The following CSTL1 variants were observed in gnomAD, a reference collection of about 807,000 sequenced individuals.
The protein encoded by CSTL1 is cystatin like 1, also known as cystatin-like 1.
CSTL1 carries 14 observed loss-of-function variants against 14.4 expected under a neutral mutation model. The ratio of observed to expected loss-of-function variants is 0.97; its 90% CI spans 0.64 to 1.52. The LOEUF (loss-of-function observed/expected upper bound fraction) is 1.52. Among genes scored for constraint, CSTL1 ranks in the 40% most tolerant of loss-of-function variants. The probability of loss-of-function intolerance (pLI) is 0.00; values close to 1 mark genes in which losing one functional copy is unlikely to be tolerated. For synonymous variants in CSTL1, 72 were observed against 67.5 expected, an observed-to-expected ratio of 1.07 and a Z score of -0.33; for missense variants, 170 against 168.7, an observed-to-expected ratio of 1.01 and a Z score of -0.04.
Position 23,440,304 on chromosome 20 carries a change from C to T in CSTL1, c.37C>T (p.Leu13=). 6.2e-7 allele frequency: 1 copy of T among 1,614,226 alleles called. No individual in the cohort carries two copies. The highest frequency in any genetic ancestry group is 8.5e-7 in the Non-Finnish European group (1 of 1,180,050). ...IGCWRNPLLL[L]IALVLSAKLG... is the part of the protein sequence containing the mutation. ...ATGCTGGAGAAACCCCCTGCTGCTG[C>T]TGATTGCCCTGGTCCTGTCAGCCAA... Residue 13 remains leucine (L), a synonymous_variant, in exon 2 of 4, where the codon CTG becomes TTG. Coordinates refer to ENST00000347397, the MANE Select transcript of CSTL1 (RefSeq NM_138283.1).
At chr20:23,451,893 T>A in the CSTL1 span, 1 of 1,613,942 alleles carries the variant, frequency 6.2e-7, no homozygotes, top group Non-Finnish European at 8.5e-7. Context: ...ATTTCCACAT[T>A]CAGGTGATAC....
chr20:23,450,022 A>G, the CSTL1 span, among the ~76,000 whole-genome samples: 1 of 152,138 alleles, frequency 6.6e-6, no homozygotes, highest in East Asian at 1.9e-4. Flanking sequence ...TGTCTTTCTT[A>G]GTTCTTTGGT....
chr20:23,451,265 C>A, the CSTL1 span, among the ~76,000 whole-genome samples: 1 of 150,550 alleles, frequency 6.6e-6, no homozygotes, highest in Admixed American at 6.6e-5. Flanking sequence ...GGGATGAAGG[C>A]CTGTTGGAGC....
Sources: allele counts gnomAD v4.1 joint callset (sites outside exome capture counted in the v4.1 genomes callset), GRCh38; gene constraint gnomAD v4.1.1; transcripts MANE v1.5; gene names NCBI Gene and HGNC (gene_info 2026-07-23, HGNC 2026-07-21).